PCDHGB3: variants seen among roughly 807,000 people sequenced by gnomAD.
PCDHGB3 encodes protocadherin gamma subfamily B, 3.
PCDHGB3 carries 40 observed loss-of-function variants against 59.2 expected under a neutral mutation model. That is an observed-to-expected ratio of 0.68 (90% confidence interval 0.52 to 0.88). The LOEUF (loss-of-function observed/expected upper bound fraction) is 0.88. PCDHGB3 is among the 40% of genes least tolerant of loss of function. PCDHGB3 has a pLI of 0.00. For missense variants in PCDHGB3, 1,309 were observed against 1,187.9 expected (o/e 1.10, Z -1.50); for synonymous variants, 581 against 503.6 (o/e 1.15, Z -2.06).
At chr5:141,449,588 CAAAAAAA>C (rs768743917) in intron 1 of PCDHGB3, among the ~76,000 whole-genome samples, 5 of 57,506 alleles carry the variant, frequency 8.7e-5, no homozygotes, top group Admixed American at 3.6e-4. Flanking sequence ...GACTCTGTCT[CAAAAAAA>C]AAAAAAAAAA....
At chr5:141,375,208 C>G in intron 1 of PCDHGB3, 2 of 1,613,958 alleles carry the variant, frequency 1.2e-6, no homozygotes, top group Non-Finnish European at 8.5e-7. Flanking sequence ...TCGATCGAGA[C>G]TCTGGCCTGA....
At chr5:141,381,826 C>CTTTTTTTTTTTTTTTTTTTTTTTTTTT (rs770630741) in intron 1 of PCDHGB3, among the ~76,000 whole-genome samples, 2 of 74,278 alleles carry the variant, frequency 2.7e-5, no homozygotes, top group African/African-American at 6.2e-5. Flanking sequence ...CTTTCTTCTT[C>CTTTTTTTTTTTTTTTTTTTTTTTTTTT]TTTTTTTTTT....
In PCDHGB3 at chr5:141,393,272, A is replaced by C. The variant is rs781226042; in HGVS notation, c.2415+20463A>C. The stretch of plus-strand genomic sequence containing the variant: ...TCGCGGTTCCTGGAGCACGTTATCC[A>C]CTCCCAGAAGCTGTTGACCCGGATG... On this transcript the variant is annotated intron_variant, in intron 1 of 3. Coordinates refer to ENST00000576222, the MANE Select transcript of PCDHGB3 (RefSeq NM_018924.5). The C allele has an allele frequency of 2.5e-6, 4 of 1,613,774 alleles. No homozygotes were observed. The Admixed American group carries it at 6.7e-5, about 27-fold the overall frequency.
chr5:141,405,106 C>T, intron 1 of PCDHGB3: 1 of 1,613,964 alleles, frequency 6.2e-7, no homozygotes, highest in South Asian at 1.1e-5. Context: ...GGCTGAGGCA[C>T]TGGCACTCCT....
rs1055242827 is a variant in PCDHGB3 at position 141,371,130 on chromosome 5, A to C, written c.736A>C (p.Met246Leu). 6.8e-6 allele frequency: 11 copies of C among 1,613,896 alleles called. No homozygotes were observed. The South Asian group carries it at 1.2e-4, about 18-fold the overall frequency. The part of the protein sequence containing the change: ...NDNPPVFTQD[M>L]YRVNVAENLP... Reference sequence around the variant, plus strand: ...TAACCCCCCAGTATTTACTCAGGACATGTACAGGGTCAATGTTGCAGAGAA... The same window carrying C: ...TAACCCCCCAGTATTTACTCAGGACCTGTACAGGGTCAATGTTGCAGAGAA... Residue 246 changes from methionine (M) to leucine (L), a missense_variant, in exon 1 of 4, where the codon ATG (methionine) becomes CTG (leucine). Transcript: ENST00000576222.
chr5:141,485,434 G>A lies in PCDHGB3; in HGVS notation c.2416-9373G>A. The A allele has an allele frequency of 6.2e-7, 1 of 1,614,166 alleles. No individual in the cohort carries two copies. The highest frequency in any genetic ancestry group is 8.5e-7 in the Non-Finnish European group (1 of 1,180,018). On this transcript the variant is annotated intron_variant, in intron 1 of 3. Coordinates refer to ENST00000576222, the MANE Select transcript of PCDHGB3 (RefSeq NM_018924.5). This position sits in a 1 kb window ranked among gnomAD's most constrained non-coding sequence, Gnocchi z 5.7. ...TGGACAGCGGAGCCCTGCTCATCAA[G>A]AACCCAATCGACCGAGAGGCACTGT...
chr5:141,414,078 T>C lies in PCDHGB3; in HGVS notation c.2415+41269T>C, dbSNP rs777190406. 3.1e-6 allele frequency: 5 copies of C among 1,603,326 alleles called. No individual in the cohort carries two copies. In the South Asian group the frequency reaches 4.5e-5, roughly 14 times the overall value. ...TGTTGAAGTTCCAACTAAACAAATA[T>C]ACTGGAGAAATAAAAATATCAGAAA... On this transcript the variant is annotated intron_variant, in intron 1 of 3. Transcript: ENST00000576222.
At position 141,383,035 on chromosome 5, in the gene PCDHGB3, G is replaced by A. The variant is rs550075608; in HGVS notation, c.2415+10226G>A. ...GGAGACGGACAAAGGGTCCTTTGTG[G>A]GAGACATCGCCAAGGACCTGGGGCT... On this transcript the variant is annotated intron_variant, in intron 1 of 3. Coordinates refer to ENST00000576222, the MANE Select transcript of PCDHGB3 (RefSeq NM_018924.5). 3.1e-6 allele frequency: 5 copies of A among 1,613,882 alleles called. No individual in the cohort carries two copies. In the South Asian group the frequency reaches 5.5e-5, roughly 18 times the overall value.
chr5:141,382,921 G>C (rs774998092), intron 1 of PCDHGB3: 4 of 1,560,206 alleles, frequency 2.6e-6, no homozygotes, highest in East Asian at 2.3e-5. Context: ...GCCGAGGGGC[G>C]GGGACTACAG....
chr5:141,421,409 C>T, intron 1 of PCDHGB3: 1 of 1,614,026 alleles, frequency 6.2e-7, no homozygotes, highest in Non-Finnish European at 8.5e-7. Context: ...CGGGAGCTGG[C>T]GAAGCGCGGA....
intron 1 of PCDHGB3, chr5:141,433,315 TCCGGTGTAACAGGGACTA>T: frequency 1.2e-6 from 1 of 856,086 alleles, no homozygotes; most frequent in Non-Finnish European, 1.8e-6. Flanking sequence ...CACCTTTGCC[TCCGGTGTAACAGGGACTA>T]CAGGTGCAAG....
chr5:141,449,782 T>C (rs2098655261), intron 1 of PCDHGB3, among the ~76,000 whole-genome samples: 1 of 151,720 alleles, frequency 6.6e-6, no homozygotes, highest in South Asian at 2.1e-4. Flanking sequence ...GAAATTATGT[T>C]TCTTTATTCC....
chr5:141,388,922 A>G (rs761599135), intron 1 of PCDHGB3: 1 of 1,614,046 alleles, frequency 6.2e-7, no homozygotes, highest in Non-Finnish European at 8.5e-7. Context: ...CAGAAGTGAT[A>G]TTCCAGTCTC....
At chr5:141,389,910 C>A in intron 1 of PCDHGB3, 3 of 1,614,080 alleles carry the variant, frequency 1.9e-6, no homozygotes, top group Non-Finnish European at 2.5e-6. Flanking sequence ...TATCACTGAC[C>A]GCCCCGACCC....
chr5:141,409,226 G>A (rs753236012), intron 1 of PCDHGB3: 1 of 1,613,862 alleles, frequency 6.2e-7, no homozygotes, highest in African/African-American at 1.3e-5. Flanking sequence ...TGATGAAAAC[G>A]ACAACAGCCC....
intron 1 of PCDHGB3, chr5:141,433,025 G>A: frequency 6.2e-7 from 1 of 1,614,144 alleles, no homozygotes; most frequent in Non-Finnish European, 8.5e-7. Context: ...CTATTCCCAC[G>A]AGGTTTCCCT....
chr5:141,472,529 G>C lies in PCDHGB3; in HGVS notation c.2416-22278G>C, dbSNP rs553065027. 9.3e-5 allele frequency among the ~76,000 whole-genome samples: 14 copies of C among 151,058 alleles called. No individual in the cohort carries two copies. In the East Asian group the frequency reaches 2.6e-3, roughly 28 times the overall value. ...CACTCCAGCCTGGGTGACAGAGTGA[G>C]ACACCATCTCAAGAAAAAAAAAATT... On this transcript the variant is annotated intron_variant, in intron 1 of 3. Transcript: ENST00000576222.
intron 1 of PCDHGB3, among the ~76,000 whole-genome samples, chr5:141,447,954 CGGACACCTA>C (rs2098556369): frequency 6.6e-6 from 1 of 151,814 alleles, no homozygotes; most frequent in Non-Finnish European, 1.5e-5. Context: ...GGCATGGTGG[CGGACACCTA>C]TAATCCCAGC....
In PCDHGB3 at chr5:141,372,213, C is replaced by A. The variant is rs999187008; in HGVS notation, c.1819C>A (p.His607Asn). ...GGGATACAACGCCTGGCTGTCCTAC[C>A]ACATTGTGCAGGCCAGCGAGCCCGG... ...DSGYNAWLSY[H>N]IVQASEPGLF... Residue 607 changes from histidine (H) to asparagine (N), a missense_variant, in exon 1 of 4, where the codon CAC (histidine) becomes AAC (asparagine). By Grantham distance (68) the His-to-Asn change is moderately conservative. Transcript: ENST00000576222. 6.2e-7 allele frequency: 1 copy of A among 1,613,592 alleles called. No individual in the cohort carries two copies. The highest frequency in any genetic ancestry group is 8.5e-7 in the Non-Finnish European group (1 of 1,179,902).
Sources: allele counts gnomAD v4.1 joint callset (sites outside exome capture counted in the v4.1 genomes callset), GRCh38; gene constraint gnomAD v4.1.1; non-coding constraint Gnocchi (gnomAD v3.1); transcripts MANE v1.5; gene names NCBI Gene and HGNC (gene_info 2026-07-23, HGNC 2026-07-21).